NFKB1: variants seen among roughly 807,000 people sequenced by gnomAD.
The protein encoded by NFKB1 is nuclear factor NF-kappa-B p105 subunit.
A neutral mutation model predicts 105.1 loss-of-function variants in NFKB1; 9 were observed. The ratio of observed to expected loss-of-function variants is 0.09; its 90% CI spans 0.05 to 0.15. The LOEUF is 0.15. Ranked by LOEUF, NFKB1 falls within the 10% of genes least tolerant of loss-of-function variation. NFKB1 has a pLI of 1.00. For synonymous variants in NFKB1, 440 were observed against 442.2 expected (o/e 1.00, Z 0.06); for missense variants, 830 against 1,203.7 (o/e 0.69, Z 4.59).
rs547124360 is a variant in NFKB1 at position 102,522,464 on chromosome 4, G to A, written c.-7-3048G>A. On this transcript the variant is annotated intron_variant, in intron 1 of 23. Transcript: ENST00000226574. The stretch of plus-strand genomic sequence containing the variant: ...GTGTATAAATCATGGGGAGGATATT[G>A]AAGGGGAAGATCATGTTTAATTTGG... Among the ~76,000 whole-genome samples the A allele has an allele frequency of 6.6e-5, 10 of 152,294 alleles. No individual in the cohort carries two copies. The South Asian group carries it at 2.1e-3, about 32-fold the overall frequency.
At chr4:102,523,432 C>G (rs112177298) in intron 1 of NFKB1, among the ~76,000 whole-genome samples, 1 of 152,294 alleles carries the variant, frequency 6.6e-6, no homozygotes, top group African/African-American at 2.4e-5. Flanking sequence ...TCAGCTTTCT[C>G]ACTCTTCCTC....
chr4:102,614,896 G>A (rs140059355), intron 23 of NFKB1, among the ~76,000 whole-genome samples: 2 of 152,152 alleles, frequency 1.3e-5, no homozygotes, highest in Non-Finnish European at 2.9e-5. Context: ...CCATCTTCCA[G>A]GAGATTAAGA....
chr4:102,571,203 T>C (rs1277621673), intron 6 of NFKB1, among the ~76,000 whole-genome samples: 3 of 152,220 alleles, frequency 2.0e-5, no homozygotes, highest in Non-Finnish European at 4.4e-5. Flanking sequence ...ATCTGATCTT[T>C]GACAAACCTG....
intron 1 of NFKB1, among the ~76,000 whole-genome samples, chr4:102,516,904 G>A (rs542734084): frequency 1.3e-5 from 2 of 152,218 alleles, no homozygotes; most frequent in Admixed American, 6.5e-5. Context: ...AACTCCCATC[G>A]TGTGGTCTTT....
intron 13 of NFKB1, among the ~76,000 whole-genome samples, chr4:102,595,433 C>T (rs1726530306): frequency 6.6e-6 from 1 of 152,144 alleles, no homozygotes; most frequent in African/African-American, 2.4e-5. Context: ...TTCTAGTGTA[C>T]CCATGGAAGA....
chr4:102,502,390 G>GCGCGCGCA (rs1311577382), intron 1 of NFKB1, among the ~76,000 whole-genome samples: 35 of 105,396 alleles, frequency 3.3e-4, no homozygotes, highest in East Asian at 2.4e-3. Flanking sequence ...GCGCGCGCGC[G>GCGCGCGCA]CACACACACA....
At chr4:102,573,369 C>T (rs371768224) in intron 6 of NFKB1, among the ~76,000 whole-genome samples, 3 of 152,112 alleles carry the variant, frequency 2.0e-5, no homozygotes, top group East Asian at 3.8e-4. Flanking sequence ...TATGTTGTTC[C>T]ACTGTCTTCT....
chr4:102,600,647 A>C (rs961614518), intron 15 of NFKB1, among the ~76,000 whole-genome samples: 4 of 152,190 alleles, frequency 2.6e-5, no homozygotes, highest in African/African-American at 9.7e-5. Context: ...CAAGACCTGA[A>C]TGCTCCCAGA....
intron 5 of NFKB1, among the ~76,000 whole-genome samples, chr4:102,553,034 T>C (rs1722732776): frequency 6.6e-6 from 1 of 152,194 alleles, no homozygotes; most frequent in Admixed American, 6.5e-5. Flanking sequence ...GTAATTCTCT[T>C]AATTTAGTAG....
At position 102,509,760 on chromosome 4, in the gene NFKB1, C is replaced by T. The variant is rs139368028; in HGVS notation, c.-8+7972C>T. 6.2e-3 allele frequency among the ~76,000 whole-genome samples: 945 copies of T among 152,258 alleles called. 4 individuals are homozygous for T. Among genetic ancestry groups the T allele is most frequent in the Non-Finnish European group, 0.01 (686 of 68,008 alleles). On this transcript the variant is annotated intron_variant, in intron 1 of 23. Coordinates refer to ENST00000226574, the MANE Select transcript of NFKB1 (RefSeq NM_003998.4). ...TTCAGCTTTCTTCTTCAGTCAGTCA[C>T]CAAGTTCTATCAAGGCAGCCTCCTC...
chr4:102,517,961 G>C (rs1740315190), intron 1 of NFKB1, among the ~76,000 whole-genome samples: 1 of 152,176 alleles, frequency 6.6e-6, no homozygotes, highest in African/African-American at 2.4e-5. Context: ...TGGCAATAAT[G>C]TGAAAGATTC....
intron 16 of NFKB1, among the ~76,000 whole-genome samples, chr4:102,603,133 C>T (rs981988915): frequency 6.6e-6 from 1 of 152,074 alleles, no homozygotes; most frequent in Non-Finnish European, 1.5e-5. Context: ...AATGCAGTGG[C>T]GCGATCTCGG....
chr4:102,537,637 C>T (rs749446153), intron 4 of NFKB1: 17 of 380,722 alleles, frequency 4.5e-5, no homozygotes, highest in Non-Finnish European at 8.2e-5. Flanking sequence ...AGGTACCTGG[C>T]TTTTTAGCCA....
Position 102,597,452 on chromosome 4 carries a change from T to C in NFKB1, c.1496-68T>C. ...AACACTGATGCTGGTCAGTTTGTCCTTAAGCATGCCATACCCATAAAACAA... is the reference window on the plus strand; with the variant it reads ...AACACTGATGCTGGTCAGTTTGTCCCTAAGCATGCCATACCCATAAAACAA... On this transcript the variant is annotated intron_variant, in intron 14 of 23. Coordinates refer to ENST00000226574, the MANE Select transcript of NFKB1 (RefSeq NM_003998.4). 3 of 1,499,986 alleles carry C rather than the reference T, an allele frequency of 2.0e-6. No individual in the cohort carries two copies. In the Admixed American group the frequency reaches 5.9e-5, roughly 30 times the overall value. 92.9% of individuals were successfully genotyped at this position (1,499,986 alleles called of 1,614,324 possible).
intron 23 of NFKB1, among the ~76,000 whole-genome samples, 166 bp from the exon 24 acceptor site, chr4:102,616,268 G>A (rs904510679): frequency 3.9e-5 from 6 of 152,208 alleles, no homozygotes; most frequent in African/African-American, 1.4e-4. Context: ...TATGTCCCAA[G>A]TATCTTCTGC....
At chr4:102,548,244 A>T (rs1722288271) in intron 5 of NFKB1, among the ~76,000 whole-genome samples, 1 of 152,100 alleles carries the variant, frequency 6.6e-6, no homozygotes, top group South Asian at 2.1e-4. Flanking sequence ...TCAAGCAAGC[A>T]GGTATGAGTT....
chr4:102,555,700 C>T (rs1243054054), intron 5 of NFKB1, among the ~76,000 whole-genome samples: 1 of 151,998 alleles, frequency 6.6e-6, no homozygotes, highest in Non-Finnish European at 1.5e-5. Flanking sequence ...TCTCTGAGAT[C>T]GAATGGAGAA....
chr4:102,511,071 G>A (rs1739748652), intron 1 of NFKB1: 2 of 551,032 alleles, frequency 3.6e-6, no homozygotes, highest in Non-Finnish European at 5.2e-6. Context: ...TTCGTATAGT[G>A]TGATTTTTAT....
At chr4:102,573,263 G>A (rs1173640136) in intron 6 of NFKB1, among the ~76,000 whole-genome samples, 5 of 152,116 alleles carry the variant, frequency 3.3e-5, no homozygotes, top group Admixed American at 6.5e-5. Context: ...AGCCGAGATC[G>A]CACAATTGCA....
Sources: allele counts gnomAD v4.1 joint callset (sites outside exome capture counted in the v4.1 genomes callset), GRCh38; gene constraint gnomAD v4.1.1; transcripts MANE v1.5; gene names NCBI Gene and HGNC (gene_info 2026-07-23, HGNC 2026-07-21).